GPR137B: variants seen among roughly 807,000 people sequenced by gnomAD.
GPR137B encodes integral membrane protein GPR137B.
A neutral mutation model predicts 42.5 loss-of-function variants in GPR137B; 42 were observed. The observed-to-expected ratio is 0.99, with a 90% CI of 0.77 to 1.28. The LOEUF (loss-of-function observed/expected upper bound fraction) is 1.28, where lower values mean the gene tolerates loss of function less well. GPR137B is among the 50% of genes most tolerant of loss of function. The pLI is 0.00. For synonymous variants in GPR137B, 218 were observed against 209.7 expected (o/e 1.04, Z -0.34); for missense variants, 487 against 493.9 (o/e 0.99, Z 0.13).
At chr1:236,158,760 G>C (rs973320023) in intron 1 of GPR137B, among the ~76,000 whole-genome samples, 3 of 152,210 alleles carry the variant, frequency 2.0e-5, no homozygotes, top group Non-Finnish European at 4.4e-5. Context: ...AGGATAGGGG[G>C]ATTATGAAGT....
chr1:236,166,502 A>G (rs1662360956), intron 1 of GPR137B, among the ~76,000 whole-genome samples: 2 of 141,916 alleles, frequency 1.4e-5, no homozygotes. Context: ...ACATATATAT[A>G]TTTATATATA....
chr1:236,159,382 T>C (rs1372083845), intron 1 of GPR137B, among the ~76,000 whole-genome samples: 2 of 151,828 alleles, frequency 1.3e-5, no homozygotes, highest in East Asian at 1.9e-4. Context: ...GTTGAAAAAA[T>C]AGGCTTGGCG....
At chr1:236,143,632 C>T (rs73121043) in intron 1 of GPR137B, among the ~76,000 whole-genome samples, 4,509 of 152,228 alleles carry the variant, frequency 0.03, 226 homozygotes, top group African/African-American at 0.1. Flanking sequence ...GGGGTAACAC[C>T]CAGCTCCGAG....
chr1:236,142,778 C>A lies in GPR137B; in HGVS notation c.156C>A (p.Phe52Leu), dbSNP rs899441796. ...GCCTCACCGTCGTCTACACCGTGTT[C>A]TACGCGCTGCTCTTCGTGTTCATCT... is the stretch of plus-strand genomic sequence containing the variant. ...KLGLTVVYTV[F>L]YALLFVFIYV... is the part of the protein sequence containing the mutation. The change falls in exon 1 of 7, where the codon TTC becomes TTA. Residue 52 changes from phenylalanine (F) to leucine (L), a missense_variant. Phe to Leu is a conservative substitution (Grantham distance 22, BLOSUM62 0). Transcript: ENST00000366592. 6.2e-7 allele frequency: 1 copy of A among 1,613,790 alleles called. No individual in the cohort carries two copies. Among genetic ancestry groups the A allele is most frequent in the African/African-American group, 1.3e-5 (1 of 74,938 alleles).
chr1:236,146,727 C>T (rs1272271980), intron 1 of GPR137B, among the ~76,000 whole-genome samples: 2 of 152,202 alleles, frequency 1.3e-5, no homozygotes, highest in Non-Finnish European at 2.9e-5. Context: ...TTAACTTACC[C>T]CTAAATCACT....
chr1:236,203,134 A>G (rs1349781489), intron 5 of GPR137B, among the ~76,000 whole-genome samples: 11 of 151,856 alleles, frequency 7.2e-5, no homozygotes, highest in Non-Finnish European at 1.3e-4. Flanking sequence ...CTGGAGTGCA[A>G]TGGCGTGATC....
At chr1:236,172,557 G>A (rs1247089196) in intron 2 of GPR137B, among the ~76,000 whole-genome samples, 2 of 152,098 alleles carry the variant, frequency 1.3e-5, no homozygotes, top group African/African-American at 2.4e-5. Context: ...CTCTTTCTCA[G>A]TCTATGTATT....
chr1:236,204,349 G>T (rs1459012486), intron 5 of GPR137B, among the ~76,000 whole-genome samples: 1 of 152,174 alleles, frequency 6.6e-6, no homozygotes, highest in African/African-American at 2.4e-5. Context: ...ATTTATCAGA[G>T]ATATTGGCCT....
At chr1:236,206,520 T>C (rs1663666873) in intron 6 of GPR137B, among the ~76,000 whole-genome samples, 1 of 152,186 alleles carries the variant, frequency 6.6e-6, no homozygotes, top group Non-Finnish European at 1.5e-5. Context: ...AGTTAAATAC[T>C]GAGAGTTCAA....
chr1:236,159,315 AAAAC>A (rs71176463), intron 1 of GPR137B, among the ~76,000 whole-genome samples: 5,032 of 152,238 alleles, frequency 0.033, 94 homozygotes, highest in African/African-American at 0.055. Context: ...CCGCCTCTTA[AAAAC>A]AAACAAACAA....
At chr1:236,177,255 C>A (rs1486928629) in intron 2 of GPR137B, among the ~76,000 whole-genome samples, 1 of 152,086 alleles carries the variant, frequency 6.6e-6, no homozygotes, top group Non-Finnish European at 1.5e-5. Context: ...TGGGCATGGA[C>A]CTGGGTGGGC....
At chr1:236,145,059 A>G (rs1661644712) in intron 1 of GPR137B, among the ~76,000 whole-genome samples, 1 of 152,214 alleles carries the variant, frequency 6.6e-6, no homozygotes, top group South Asian at 2.1e-4. Context: ...GTCTGCGGGC[A>G]CCACAGCAAA....
At chr1:236,164,088 T>G (rs1662276220) in intron 1 of GPR137B, among the ~76,000 whole-genome samples, 1 of 151,932 alleles carries the variant, frequency 6.6e-6, no homozygotes, top group Admixed American at 6.6e-5. Flanking sequence ...CCTCTCACAC[T>G]TCCTACACCT....
rs1017856378 is a variant in GPR137B at position 236,142,581 on chromosome 1, G to A, written c.-42G>A. 1.9e-4 allele frequency: 231 copies of A among 1,199,576 alleles called. 1 individual carries two copies. Among genetic ancestry groups the A allele is most frequent in the Non-Finnish European group, 2.4e-4 (225 of 943,938 alleles). The allele number at this position is 1,199,576 out of a possible 1,614,324, so 74.3% of individuals were successfully genotyped here. ...CTCGGGGCTGCAGGCTGAGCGCGAT[G>A]CGCGGAGACCCCCGCGGGGGCGGCG... On this transcript the variant is annotated 5_prime_UTR_variant, in exon 1 of 7. It removes an upstream start codon present in the reference 5' UTR. Transcript: ENST00000366592.
chr1:236,162,997 G>A (rs1662242991), intron 1 of GPR137B, among the ~76,000 whole-genome samples: 1 of 152,148 alleles, frequency 6.6e-6, no homozygotes, highest in African/African-American at 2.4e-5. Flanking sequence ...TGCGCTCCTG[G>A]AAAAGCCACA....
intron 1 of GPR137B, among the ~76,000 whole-genome samples, chr1:236,151,147 T>C (rs1036559723): frequency 6.6e-6 from 1 of 152,212 alleles, no homozygotes; most frequent in African/African-American, 2.4e-5. Context: ...GTCTGGGTCC[T>C]GACATTTTGG....
At chr1:236,167,067 G>C (rs1159790613) in intron 1 of GPR137B, among the ~76,000 whole-genome samples, 1 of 152,172 alleles carries the variant, frequency 6.6e-6, no homozygotes, top group Non-Finnish European at 1.5e-5. Context: ...ACTCCATGGA[G>C]AGCAGTTTGC....
At chr1:236,193,549 G>A (rs1352746093) in intron 5 of GPR137B, among the ~76,000 whole-genome samples, 1 of 151,994 alleles carries the variant, frequency 6.6e-6, no homozygotes, top group Non-Finnish European at 1.5e-5. Context: ...CTGACTTTTT[G>A]ATTCTAGATA....
At chr1:236,172,501 T>G (rs1408773192) in intron 2 of GPR137B, among the ~76,000 whole-genome samples, 1 of 152,218 alleles carries the variant, frequency 6.6e-6, no homozygotes, top group African/African-American at 2.4e-5. Flanking sequence ...CCACATCTGC[T>G]AGCTCAGAGT....
Sources: allele counts gnomAD v4.1 joint callset (sites outside exome capture counted in the v4.1 genomes callset), GRCh38; gene constraint gnomAD v4.1.1; transcripts MANE v1.5; gene names NCBI Gene and HGNC (gene_info 2026-07-23, HGNC 2026-07-21).